Variants in RIT2 observed in about 807,000 individuals in gnomAD.
RIT2 encodes Ras like without CAAX 2.
In RIT2, 24 loss-of-function variants were observed where a neutral mutation model predicts 23.7. The observed-to-expected ratio is 1.01, with a 90% CI of 0.73 to 1.43. The LOEUF (loss-of-function observed/expected upper bound fraction) is 1.43. RIT2 is among the 40% of genes most tolerant of loss of function. RIT2 has a pLI of 0.00. For missense variants in RIT2, 236 were observed against 266.9 expected (o/e 0.88, Z 0.81); for synonymous variants, 107 against 91.1 (o/e 1.17, Z -0.99).
intron 1 of RIT2, among the ~76,000 whole-genome samples, chr18:43,070,847 C>G (rs1276097401): frequency 2.6e-5 from 4 of 152,166 alleles, no homozygotes; most frequent in African/African-American, 9.7e-5. Context: ...CTATAACAGT[C>G]CACATGCTTT....
chr18:43,060,591 A>G (rs541753905), intron 1 of RIT2, among the ~76,000 whole-genome samples: 3 of 152,288 alleles, frequency 2.0e-5, no homozygotes, highest in South Asian at 4.1e-4. Context: ...GATCCAGCCA[A>G]TGATGCCAAT....
chr18:42,975,283 T>C (rs1598735607), intron 2 of RIT2, among the ~76,000 whole-genome samples: 1 of 152,144 alleles, frequency 6.6e-6, no homozygotes, highest in Non-Finnish European at 1.5e-5. Context: ...AATAACCATG[T>C]GGATTTTGTT....
chr18:42,760,353 C>G (rs1455130613), intron 4 of RIT2, among the ~76,000 whole-genome samples: 1 of 152,138 alleles, frequency 6.6e-6, no homozygotes, highest in East Asian at 1.9e-4. Flanking sequence ...GTAATCTTGA[C>G]AAGTTTGTTA....
chr18:42,769,941 G>C (rs1913511074), intron 4 of RIT2, among the ~76,000 whole-genome samples: 1 of 151,704 alleles, frequency 6.6e-6, no homozygotes. Context: ...CTTAGGAAAA[G>C]GGCAGAGTGT....
intron 2 of RIT2, among the ~76,000 whole-genome samples, chr18:42,986,649 G>A (rs2144221325): frequency 6.6e-6 from 1 of 151,630 alleles, no homozygotes; most frequent in Admixed American, 6.6e-5. Flanking sequence ...CTATAGGTGT[G>A]TGCAACCGTG....
intron 4 of RIT2, among the ~76,000 whole-genome samples, chr18:42,883,378 G>A (rs750977709): frequency 2.0e-5 from 3 of 152,158 alleles, no homozygotes; most frequent in Non-Finnish European, 4.4e-5. Context: ...CTCTGTATTT[G>A]TTCCATCTAT....
intron 3 of RIT2, among the ~76,000 whole-genome samples, chr18:42,946,149 AAT>A (rs1481373878): frequency 1.3e-5 from 2 of 152,102 alleles, no homozygotes; most frequent in African/African-American, 4.8e-5. Context: ...CCTATGAAAA[AAT>A]AGTTTAAAGG....
Position 43,003,761 on chromosome 18 carries a change from GACACACACACACACACACAC to G in RIT2, c.161-29634_161-29615del, listed in dbSNP as rs56860348. 4.4e-4 allele frequency among the ~76,000 whole-genome samples: 57 copies of G among 129,590 alleles called. 1 individual carries two copies. In the South Asian group the frequency reaches 4.6e-3, roughly 11 times the overall value. 85.0% of individuals were successfully genotyped at this position (129,590 alleles called of 152,430 possible). A position where few individuals can be genotyped will look rare whatever the true frequency, so the allele number is the denominator to read the frequency against. On this transcript the variant is annotated intron_variant, in intron 2 of 4. Coordinates refer to ENST00000326695, the MANE Select transcript of RIT2 (RefSeq NM_002930.4). Reference sequence around the variant, plus strand: ...CATTACTTTTTTTTTCCTCCTCAGTGACACACACACACACACACACACACACACACACACACACACACACA... The same window carrying G: ...CATTACTTTTTTTTTCCTCCTCAGTGACACACACACACACACACACACACA...
intron 3 of RIT2, among the ~76,000 whole-genome samples, chr18:42,956,855 C>T (rs1259521436): frequency 1.3e-5 from 2 of 152,060 alleles, no homozygotes. Context: ...GGCATCCTGG[C>T]GTCCCGGAAG....
intron 4 of RIT2, among the ~76,000 whole-genome samples, chr18:42,873,139 G>T (rs1317291449): frequency 3.3e-5 from 5 of 152,052 alleles, no homozygotes; most frequent in Non-Finnish European, 5.9e-5. Flanking sequence ...ATTTTCCAAG[G>T]GGAATTCAAG....
intron 3 of RIT2, among the ~76,000 whole-genome samples, chr18:42,950,750 C>T (rs752003031): frequency 6.6e-6 from 1 of 151,410 alleles, no homozygotes; most frequent in Non-Finnish European, 1.5e-5. Flanking sequence ...CATGAACAGA[C>T]ATTTAAAAAA....
intron 4 of RIT2, among the ~76,000 whole-genome samples, chr18:42,899,959 G>A (rs1198685386): frequency 6.6e-6 from 1 of 151,718 alleles, no homozygotes; most frequent in Non-Finnish European, 1.5e-5. Context: ...TTATTAAATT[G>A]AGCAAGTTAG....
chr18:42,969,440 G>A (rs1910311372), intron 3 of RIT2, among the ~76,000 whole-genome samples: 1 of 152,028 alleles, frequency 6.6e-6, no homozygotes, highest in East Asian at 1.9e-4. Context: ...AAATCACAGG[G>A]CTTTATATCT....
intron 1 of RIT2, among the ~76,000 whole-genome samples, chr18:43,081,575 T>A (rs534182481): frequency 6.0e-4 from 91 of 152,260 alleles, no homozygotes; most frequent in African/African-American, 1.9e-3. Context: ...GAGATAAATA[T>A]GCATGCCTCA....
At chr18:42,876,219 T>C (rs1473132154) in intron 4 of RIT2, among the ~76,000 whole-genome samples, 1 of 152,050 alleles carries the variant, frequency 6.6e-6, no homozygotes, top group Non-Finnish European at 1.5e-5. Flanking sequence ...ATGATGAATA[T>C]ATTTCTTATT....
chr18:42,990,009 A>ATGTG (rs5824463), intron 2 of RIT2, among the ~76,000 whole-genome samples: 4,218 of 148,826 alleles, frequency 0.028, 73 homozygotes, highest in Non-Finnish European at 0.033. Context: ...ATTTACAGAT[A>ATGTG]TGTGTGTGTG....
rs560128843 is a variant in RIT2 at position 42,822,595 on chromosome 18, C to T, written c.427-78875G>A. On this transcript the variant is annotated intron_variant, in intron 4 of 4. Transcript: ENST00000326695. ...GTTGAAAGCACACTAAATGGAGTGT[C>T]AAGAGACCTGCACCATACCTCCAGC... Among the ~76,000 whole-genome samples, 21 of 152,216 alleles carry T rather than the reference C, an allele frequency of 1.4e-4. No homozygotes were observed. In the South Asian group the frequency reaches 4.4e-3, roughly 32 times the overall value.
intron 2 of RIT2, among the ~76,000 whole-genome samples, chr18:42,980,621 A>T (rs565365843): frequency 3.1e-4 from 47 of 152,234 alleles, no homozygotes; most frequent in African/African-American, 1.1e-3. Flanking sequence ...CAGATTCTCC[A>T]GTGACTAACA....
chr18:43,046,574 G>A lies in RIT2; in HGVS notation c.104-12707C>T, dbSNP rs189200820. Among the ~76,000 whole-genome samples the A allele has an allele frequency of 2.9e-3, 447 of 152,284 alleles. 1 individual carries two copies. The highest frequency in any genetic ancestry group is 0.01 in the African/African-American group (429 of 41,556). ...GCTCCCTAGAGACTGCGAACATGGT[G>A]TCTGGCAGACAACACAGGGTCTTCC... On this transcript the variant is annotated intron_variant, in intron 1 of 4. Transcript: ENST00000326695.
Sources: allele counts gnomAD v4.1 joint callset (sites outside exome capture counted in the v4.1 genomes callset), GRCh38; gene constraint gnomAD v4.1.1; transcripts MANE v1.5; gene names NCBI Gene and HGNC (gene_info 2026-07-23, HGNC 2026-07-21).